Variants in AFF3 observed in about 807,000 individuals in gnomAD.
AFF3 encodes ALF transcription elongation factor 3.
Under a neutral mutation model 129.7 loss-of-function variants are expected in AFF3, and 32 were observed. The observed-to-expected ratio is 0.25, with a 90% confidence interval of 0.19 to 0.33. The LOEUF (loss-of-function observed/expected upper bound fraction) is 0.33. Among genes scored for constraint, AFF3 ranks in the 10% least tolerant of loss-of-function variants. The probability of loss-of-function intolerance (pLI) is 1.00; values close to 1 mark genes in which losing one functional copy is unlikely to be tolerated. For synonymous variants in AFF3, 644 were observed against 635.4 expected, an observed-to-expected ratio of 1.01 and a Z score of -0.20; for missense variants, 1,373 against 1,592.0, an observed-to-expected ratio of 0.86 and a Z score of 2.34.
chr2:99,709,561 TA>T (rs1040713652), intron 11 of AFF3, among the ~76,000 whole-genome samples: 2 of 152,252 alleles, frequency 1.3e-5, no homozygotes, highest in South Asian at 2.1e-4. Context: ...ATGGGTATTT[TA>T]AAAAAATTAT....
intron 4 of AFF3, among the ~76,000 whole-genome samples, chr2:100,067,315 A>G (rs549697705): frequency 6.6e-6 from 1 of 152,298 alleles, no homozygotes; most frequent in East Asian, 1.9e-4. Context: ...GAGCAGGATA[A>G]TCTACAAGGG....
At chr2:100,006,462 A>T in intron 7 of AFF3, 170 bp downstream of exon 7, 1 of 774,162 alleles carries the variant, frequency 1.3e-6, no homozygotes, top group Non-Finnish European at 1.9e-6. Flanking sequence ...TTGAGATTTT[A>T]AGAAATCACT....
At chr2:99,770,652 A>G (rs1683400846) in intron 8 of AFF3, among the ~76,000 whole-genome samples, 2 of 152,266 alleles carry the variant, frequency 1.3e-5, no homozygotes, top group African/African-American at 2.4e-5. Context: ...TGACCTGGGT[A>G]TCACTGCTGG....
intron 7 of AFF3, among the ~76,000 whole-genome samples, chr2:99,987,722 C>A (rs559250585): frequency 1.9e-4 from 29 of 152,296 alleles, no homozygotes; most frequent in Non-Finnish European, 3.4e-4. Flanking sequence ...AAGGAAGGTT[C>A]ACCTGTGAGC....
chr2:99,842,883 C>A (rs1466600713), intron 7 of AFF3, among the ~76,000 whole-genome samples: 1 of 152,146 alleles, frequency 6.6e-6, no homozygotes, highest in African/African-American at 2.4e-5. Context: ...CAGAGATGGG[C>A]TGCACAAGTC....
At chr2:99,784,636 T>A (rs1472387229) in intron 8 of AFF3, among the ~76,000 whole-genome samples, 1 of 152,228 alleles carries the variant, frequency 6.6e-6, no homozygotes, top group African/African-American at 2.4e-5. Flanking sequence ...AACTTTAAAA[T>A]CTTAGGCTAT....
At chr2:99,950,476 T>G (rs541351507) in intron 7 of AFF3, among the ~76,000 whole-genome samples, 3 of 152,318 alleles carry the variant, frequency 2.0e-5, no homozygotes, top group African/African-American at 7.2e-5. Context: ...CACTGTATTC[T>G]GTATACCAGA....
intron 12 of AFF3, among the ~76,000 whole-genome samples, chr2:99,651,705 G>A (rs1023200680): frequency 6.6e-6 from 1 of 152,094 alleles, no homozygotes. Flanking sequence ...GCCCCTCAAA[G>A]TGTTGGGATT....
intron 7 of AFF3, among the ~76,000 whole-genome samples, chr2:99,879,225 CATA>C (rs1420640864): frequency 1.3e-5 from 2 of 152,218 alleles, no homozygotes; most frequent in African/African-American, 4.8e-5. Flanking sequence ...CTACACAGTT[CATA>C]ATGAGTTCTG....
chr2:99,856,346 A>C (rs1171291441), intron 7 of AFF3, among the ~76,000 whole-genome samples: 1 of 152,204 alleles, frequency 6.6e-6, no homozygotes, highest in Non-Finnish European at 1.5e-5. Flanking sequence ...ATTACTAGGC[A>C]TACAAAGAAC....
At chr2:99,753,039 T>G (rs756501060) in intron 8 of AFF3, among the ~76,000 whole-genome samples, 4 of 152,146 alleles carry the variant, frequency 2.6e-5, no homozygotes, top group Non-Finnish European at 5.9e-5. Context: ...AGAATTACAT[T>G]GATTTCTGAT....
intron 12 of AFF3, among the ~76,000 whole-genome samples, chr2:99,650,796 A>ATGTGTGTGTGTGTGTGTGTGTG (rs142082185): frequency 3.9e-4 from 57 of 144,822 alleles, no homozygotes; most frequent in Non-Finnish European, 4.6e-5. Flanking sequence ...ACTAAAATTA[A>ATGTGTGTGTGTGTGTGTGTGTG]TGTGTGTGTG....
intron 7 of AFF3, among the ~76,000 whole-genome samples, chr2:99,845,572 A>G (rs1558908658): frequency 6.6e-6 from 1 of 152,168 alleles, no homozygotes; most frequent in African/African-American, 2.4e-5. Flanking sequence ...CTGCTCTGTC[A>G]ACACTGGGTG....
At chr2:100,088,362 A>G (rs920290412) in intron 4 of AFF3, among the ~76,000 whole-genome samples, 13 of 152,340 alleles carry the variant, frequency 8.5e-5, no homozygotes, top group South Asian at 8.3e-4. Context: ...AAAGAAAGTA[A>G]AAATATCAGT....
Position 99,646,165 on chromosome 2 carries a change from T to C in AFF3, c.1184+3461A>G, listed in dbSNP as rs1415790533. Among the ~76,000 whole-genome samples, 4 of 152,186 alleles carry C rather than the reference T, an allele frequency of 2.6e-5. No individual in the cohort carries two copies. In the East Asian group the frequency reaches 5.8e-4, roughly 22 times the overall value. ...TGTTTCATCATCGATTTGTGTATCT[T>C]GGAACAAAATAGCTCCGGCCTTGTC... On this transcript the variant is annotated intron_variant, in intron 13 of 24. Coordinates refer to ENST00000672756, the MANE Select transcript of AFF3 (RefSeq NM_001386135.1).
intron 7 of AFF3, among the ~76,000 whole-genome samples, chr2:99,844,049 AC>A (rs1380855691): frequency 6.6e-6 from 1 of 152,038 alleles, no homozygotes; most frequent in Non-Finnish European, 1.5e-5. Flanking sequence ...AACAACAACA[AC>A]CAAAAAGACC....
chr2:99,628,738 T>TTTTTTTTTTTG (rs1682841620), intron 13 of AFF3, among the ~76,000 whole-genome samples: 2 of 148,230 alleles, frequency 1.3e-5, no homozygotes, highest in Admixed American at 6.7e-5. Context: ...TTTTTTTTTT[T>TTTTTTTTTTTG]GAGACAGAGT....
chr2:99,697,912 T>G (rs943237148), intron 11 of AFF3, among the ~76,000 whole-genome samples: 2 of 152,262 alleles, frequency 1.3e-5, no homozygotes, highest in Non-Finnish European at 2.9e-5. Flanking sequence ...TACCTGACTT[T>G]GTGAATTTGC....
At chr2:99,911,492 A>G (rs529307915) in intron 7 of AFF3, among the ~76,000 whole-genome samples, 2 of 152,276 alleles carry the variant, frequency 1.3e-5, no homozygotes, top group East Asian at 1.9e-4. Flanking sequence ...CCCCTTTGAC[A>G]TGGAAAAATT....
Sources: gnomAD v4.1 joint callset for allele counts (sites outside exome capture counted in the v4.1 genomes callset) on GRCh38, gnomAD v4.1.1 for gene constraint, MANE v1.5 for transcripts, NCBI Gene and HGNC (gene_info 2026-07-23, HGNC 2026-07-21) for gene names.